TJP2: variants seen among roughly 807,000 people sequenced by gnomAD.
TJP2 encodes the protein tight junction protein 2, also known as Friedreich ataxia region gene X104 (tight junction protein ZO-2).
A neutral mutation model predicts 133.1 loss-of-function variants in TJP2; 91 were observed. The observed-to-expected ratio is 0.68, with a 90% confidence interval of 0.58 to 0.81. The LOEUF (loss-of-function observed/expected upper bound fraction) is 0.81, where lower values mean the gene tolerates loss of function less well. TJP2 is among the 40% of genes least tolerant of loss of function. TJP2 has a pLI of 0.00. For missense variants in TJP2, 1,541 were observed against 1,565.6 expected (o/e 0.98, Z 0.26); for synonymous variants, 592 against 583.4 (o/e 1.01, Z -0.21).
At chr9:69,144,917 C>T (rs1400534897) in intron 1 of TJP2, among the ~76,000 whole-genome samples, 1 of 152,114 alleles carries the variant, frequency 6.6e-6, no homozygotes, top group Non-Finnish European at 1.5e-5. Flanking sequence ...TTGAGTGGGC[C>T]ACCATGATAG....
rs1325946915 is a variant in TJP2, at chr9:69,189,789, C to T, written c.60+15357C>T. ...CTTGATGGTGGGCAAGGGAAACTTC[C>T]AATGCCTATCCCCTCACTTTAAAAA... On this transcript the variant is annotated intron_variant, in intron 1 of 22. Transcript: ENST00000377245. Among the ~76,000 whole-genome samples the T allele has an allele frequency of 1.8e-5, 2 of 110,242 alleles. 1 individual carries two copies. Among genetic ancestry groups the T allele is most frequent in the African/African-American group, 6.8e-5 (2 of 29,428 alleles). 72.3% of individuals were successfully genotyped at this position (110,242 alleles called of 152,430 possible).
intron 22 of TJP2, 119 bp from the exon 23 acceptor site, chr9:69,254,090 G>T: frequency 1.7e-6 from 2 of 1,176,420 alleles, no homozygotes; most frequent in South Asian, 2.5e-5. Context: ...GCAGAATGTG[G>T]CTCAGAGGTA....
At chr9:69,137,184 A>C (rs1822770118) in intron 1 of TJP2, among the ~76,000 whole-genome samples, 1 of 141,774 alleles carries the variant, frequency 7.1e-6, no homozygotes. Flanking sequence ...CCAGCTGCCC[A>C]CACTCTTCAA....
chr9:69,190,264 A>G (rs545229217), intron 1 of TJP2, among the ~76,000 whole-genome samples: 76 of 152,352 alleles, frequency 5.0e-4, no homozygotes, highest in Middle Eastern at 6.8e-3. Context: ...GTCCAACACA[A>G]TTCTTCTACA....
chr9:69,181,285 A>G (rs1462525001), intron 1 of TJP2, among the ~76,000 whole-genome samples: 3 of 117,488 alleles, frequency 2.6e-5, no homozygotes, highest in East Asian at 2.5e-4. Context: ...GTCTAGCCCT[A>G]TCGCTGAGGC....
At chr9:69,215,575 A>T (rs964686049) in intron 2 of TJP2, among the ~76,000 whole-genome samples, 1 of 152,048 alleles carries the variant, frequency 6.6e-6, no homozygotes, top group African/African-American at 2.4e-5. Flanking sequence ...TAGTAAAGAC[A>T]GGGTTTTGCC....
intron 2 of TJP2, among the ~76,000 whole-genome samples, chr9:69,156,102 C>T (rs886588871): frequency 1.4e-4 from 21 of 152,202 alleles, no homozygotes; most frequent in Non-Finnish European, 1.9e-4. Context: ...GGGTGGCTCA[C>T]GCCTGTAATC....
rs1822323197 is a variant in TJP2 at position 69,127,469 on chromosome 9, A to G, written c.-131+5744A>G. ...ACTCAGGAGGCTGAGTTGGGGGATC[A>G]CTTGAGCCCAAGAGATCGGGGCTTC... is the stretch of plus-strand genomic sequence containing the variant. On this transcript the variant is annotated intron_variant, in intron 1 of 5. Coordinates refer to the TJP2 transcript ENST00000423935. 2.7e-5 allele frequency among the ~76,000 whole-genome samples: 2 copies of G among 75,100 alleles called. 1 individual carries two copies. Among genetic ancestry groups the G allele is most frequent in the South Asian group, 7.5e-4 (2 of 2,658 alleles). The allele number at this position is 75,100 out of a possible 152,430, so 49.3% of individuals were successfully genotyped here. A position where few individuals can be genotyped will look rare whatever the true frequency, so the allele number is the denominator to read the frequency against.
At chr9:69,185,893 T>C (rs1448039044) in intron 1 of TJP2, among the ~76,000 whole-genome samples, 1 of 151,430 alleles carries the variant, frequency 6.6e-6, no homozygotes, top group South Asian at 2.1e-4. Context: ...TTTTTTTTTT[T>C]TTTCTTTTTT....
chr9:69,237,032 G>A lies in TJP2; in HGVS notation c.2075G>A (p.Arg692Lys), dbSNP rs1830240673. Residue 692 changes from arginine (R) to lysine (K), a missense_variant, in exon 14 of 23, where the codon AGG becomes AAG. By Grantham distance (26) the Arg-to-Lys change is conservative. Transcript: ENST00000377245. ...GATTTCTGGAGAATGCGTGGCCAGA[G>A]GTCTGGGGTGAAGAAGAACCTGAGG... ...RADFWRMRGQ[R>K]SGVKKNLRKS... The A allele has an allele frequency of 1.2e-6, 2 of 1,614,198 alleles. No homozygotes were observed. Among genetic ancestry groups the A allele is most frequent in the Non-Finnish European group, 1.7e-6 (2 of 1,180,044 alleles).
At chr9:69,248,833 G>A in intron 19 of TJP2, 1 of 994,004 alleles carries the variant, frequency 1.0e-6, no homozygotes, top group Non-Finnish European at 1.2e-6. Flanking sequence ...ATTATTAGTT[G>A]CACCTCAGAG....
intron 1 of TJP2, among the ~76,000 whole-genome samples, chr9:69,183,780 G>A (rs555566465): frequency 6.6e-6 from 1 of 152,208 alleles, no homozygotes; most frequent in East Asian, 1.9e-4. Flanking sequence ...TGTCACCCAG[G>A]CTGGAGTGCA....
At chr9:69,206,152 G>C (rs558564213) in intron 1 of TJP2, among the ~76,000 whole-genome samples, 1 of 152,176 alleles carries the variant, frequency 6.6e-6, no homozygotes, top group Non-Finnish European at 1.5e-5. Context: ...GATATAAAGG[G>C]GGTTGTCATG....
chr9:69,185,171 C>G (rs1825776155), intron 1 of TJP2, among the ~76,000 whole-genome samples: 1 of 151,878 alleles, frequency 6.6e-6, no homozygotes, highest in Non-Finnish European at 1.5e-5. Flanking sequence ...AAGCAATTCT[C>G]CTGCCTCAGC....
chr9:69,238,916 A>T (rs1298204326), intron 16 of TJP2, 127 bp downstream of exon 16: 1 of 824,970 alleles, frequency 1.2e-6, no homozygotes, highest in Non-Finnish European at 2.0e-6. Context: ...GGCCGGGCAC[A>T]GTGGCTTACA....
In TJP2 at chr9:69,151,629, T is replaced by C. The variant is rs1052998557; in HGVS notation, c.-130-22T>C. On this transcript the variant is annotated intron_variant, in intron 1 of 5. Coordinates refer to the TJP2 transcript ENST00000423935. ...TGCAGGGAATGAGCATGTTGGATTT[T>C]TAACAACACTGTCTTTTCCAGGGTG... 27 of 1,232,008 alleles carry C rather than the reference T, an allele frequency of 2.2e-5. No homozygotes were observed. In the African/African-American group the frequency reaches 3.7e-4, roughly 17 times the overall value. 76.3% of individuals were successfully genotyped at this position (1,232,008 alleles called of 1,614,324 possible).
chr9:69,207,504 G>A (rs1342272803), intron 1 of TJP2, among the ~76,000 whole-genome samples: 1 of 152,176 alleles, frequency 6.6e-6, no homozygotes, highest in Non-Finnish European at 1.5e-5. Flanking sequence ...GAACATTGCT[G>A]CTGTGAATAC....
At chr9:69,188,263 G>A (rs1485946800) in intron 1 of TJP2, among the ~76,000 whole-genome samples, 1 of 152,096 alleles carries the variant, frequency 6.6e-6, no homozygotes, top group Non-Finnish European at 1.5e-5. Context: ...GGGCTGATGT[G>A]GTGGTAGGCC....
intron 1 of TJP2, among the ~76,000 whole-genome samples, chr9:69,148,899 A>G (rs926831050): frequency 6.6e-6 from 1 of 152,216 alleles, no homozygotes; most frequent in African/African-American, 2.4e-5. Context: ...CGGTTTCAGT[A>G]TAGCCACAAT....
Sources: allele counts gnomAD v4.1 joint callset (sites outside exome capture counted in the v4.1 genomes callset), GRCh38; gene constraint gnomAD v4.1.1; transcripts MANE v1.5; gene names NCBI Gene and HGNC (gene_info 2026-07-23, HGNC 2026-07-21).